The following CFAP99 variants were observed in gnomAD, a reference collection of about 807,000 sequenced individuals.
CFAP99 encodes cilia and flagella associated protein 99, also known as cilia- and flagella-associated protein 99.
A neutral mutation model predicts 82.7 loss-of-function variants in CFAP99; 84 were observed. The observed-to-expected ratio is 1.02, with a 90% confidence interval of 0.85 to 1.22. CFAP99 has a LOEUF of 1.22. Among genes scored for constraint, CFAP99 ranks in the 50% most tolerant of loss-of-function variants. The pLI, the probability that CFAP99 is intolerant of heterozygous loss-of-function variation, is 0.00. For synonymous variants in CFAP99, 456 were observed against 429.5 expected (o/e 1.06, Z -0.76); for missense variants, 1,059 against 983.5 (o/e 1.08, Z -1.03).
intron 11 of CFAP99, 39 bp downstream of exon 11, chr4:2,452,385 GC>G (rs1029404821): frequency 6.6e-6 from 10 of 1,522,008 alleles, no homozygotes; most frequent in Non-Finnish European, 8.8e-6. Flanking sequence ...GGGGCAGCCA[GC>G]TGAACTGTGT....
chr4:2,431,830 C>T (rs1733808340), intron 2 of CFAP99, among the ~76,000 whole-genome samples: 1 of 152,114 alleles, frequency 6.6e-6, no homozygotes, highest in Non-Finnish European at 1.5e-5. Context: ...AATTCTCGTG[C>T]ATGAGCCTCC....
chr4:2,424,937 C>T (rs1043532899), intron 1 of CFAP99, among the ~76,000 whole-genome samples: 3 of 152,210 alleles, frequency 2.0e-5, no homozygotes, highest in Non-Finnish European at 2.9e-5. Context: ...ATTTCTCTCT[C>T]TTGTCTCTCT....
intron 2 of CFAP99, among the ~76,000 whole-genome samples, chr4:2,432,489 C>G (rs1733818618): frequency 6.6e-6 from 1 of 152,202 alleles, no homozygotes; most frequent in Non-Finnish European, 1.5e-5. Flanking sequence ...TAACTGACTT[C>G]AGGCTTTGCA....
chr4:2,443,149 A>AC lies in CFAP99; in HGVS notation c.376dup (p.Leu126ProfsTer10), dbSNP rs1306978575. 17 of 1,532,254 alleles carry AC rather than the reference A, an allele frequency of 1.1e-5. No individual in the cohort carries two copies. The highest frequency in any genetic ancestry group is 1.5e-5 in the Non-Finnish European group (17 of 1,146,078). 94.9% of individuals were successfully genotyped at this position (1,532,254 alleles called of 1,614,324 possible). On this transcript the variant is annotated frameshift_variant, in exon 5 of 15. Transcript: ENST00000635017. LOFTEE classifies it high-confidence loss of function. ...CCCCAGTTCCTCAGGTTCTTCTTCA[A>AC]CCCCCTGCACCTGTGCTCATGGATC... is the stretch of plus-strand genomic sequence containing the variant.
intron 11 of CFAP99, among the ~76,000 whole-genome samples, chr4:2,455,427 C>T (rs1164071037): frequency 2.0e-5 from 3 of 152,148 alleles, no homozygotes; most frequent in Non-Finnish European, 2.9e-5. Context: ...AATCTCAGCA[C>T]TTTGGGAGGC....
intron 10 of CFAP99, 31 bp from the exon 11 acceptor site, chr4:2,452,111 C>A: frequency 6.5e-7 from 1 of 1,533,750 alleles, no homozygotes; most frequent in Non-Finnish European, 8.7e-7. Context: ...GGGAGAAACC[C>A]CAAGCTGTGC....
chr4:2,423,162 T>A (rs1326083183), intron 1 of CFAP99, among the ~76,000 whole-genome samples: 1 of 152,180 alleles, frequency 6.6e-6, no homozygotes, highest in Non-Finnish European at 1.5e-5. Context: ...CAAAGAGCAA[T>A]GCCCCAGAAA....
intron 3 of CFAP99, among the ~76,000 whole-genome samples, chr4:2,437,724 C>T (rs749152473): frequency 6.6e-5 from 10 of 152,198 alleles, no homozygotes; most frequent in Non-Finnish European, 1.2e-4. Context: ...GGCGGAAACT[C>T]GGGCCCAGGT....
At chr4:2,436,967 T>G (rs1241052322) in exon 3 of CFAP99, 1 of 1,536,092 alleles carries the variant, frequency 6.5e-7, no homozygotes, top group South Asian at 1.2e-5. Context: ...GGATGCCTTC[T>G]ACGTGGAGGA....
At chr4:2,449,516 G>A (rs1333969092) in intron 6 of CFAP99, among the ~76,000 whole-genome samples, 154 bp from the exon 7 acceptor site, 4 of 139,090 alleles carry the variant, frequency 2.9e-5, no homozygotes, top group East Asian at 2.4e-4. Flanking sequence ...ACCAGCACCC[G>A]GTGGTGTTAG....
intron 1 of CFAP99, among the ~76,000 whole-genome samples, chr4:2,423,982 G>C (rs1733634255): frequency 1.3e-5 from 2 of 152,234 alleles, no homozygotes; most frequent in Non-Finnish European, 2.9e-5. Context: ...GTTCTGGGAG[G>C]CCTGGTCTCC....
intron 11 of CFAP99, among the ~76,000 whole-genome samples, chr4:2,454,059 C>T (rs1266807078): frequency 6.6e-6 from 1 of 151,808 alleles, no homozygotes; most frequent in East Asian, 1.9e-4. Flanking sequence ...AGTGCAGTGG[C>T]ATGATCATGG....
chr4:2,438,183 C>A lies in CFAP99; in HGVS notation c.351+19C>A. 6.9e-7 allele frequency: 1 copy of A among 1,452,590 alleles called. No individual in the cohort carries two copies. Among genetic ancestry groups the A allele is most frequent in the Non-Finnish European group, 9.3e-7 (1 of 1,071,260 alleles). The allele number at this position is 1,452,590 out of a possible 1,614,324, so 90.0% of individuals were successfully genotyped here. A position where few individuals can be genotyped will look rare whatever the true frequency, so the allele number is the denominator to read the frequency against. On this transcript the variant is annotated intron_variant, in intron 4 of 14. Transcript: ENST00000635017. ...GTGCAAGGTGAGCCACCCCTACCTG[C>A]CCACCAGGCCACGAGGCCCACGGGT... is the stretch of plus-strand genomic sequence containing the variant.
chr4:2,440,885 C>T (rs946397946), intron 4 of CFAP99, among the ~76,000 whole-genome samples: 1 of 152,018 alleles, frequency 6.6e-6, no homozygotes, highest in African/African-American at 2.4e-5. Context: ...TCAGCCACCG[C>T]GCCCGGCCAA....
intron 2 of CFAP99, among the ~76,000 whole-genome samples, chr4:2,435,474 T>G (rs1052593319): frequency 1.1e-4 from 16 of 152,186 alleles, no homozygotes; most frequent in African/African-American, 3.6e-4. Flanking sequence ...GTTAATAGCC[T>G]TAACATAGAG....
intron 4 of CFAP99, among the ~76,000 whole-genome samples, chr4:2,439,594 C>T (rs948693143): frequency 3.9e-5 from 6 of 152,214 alleles, no homozygotes; most frequent in Non-Finnish European, 8.8e-5. Flanking sequence ...CAGCACTGTA[C>T]ACATCAATGA....
intron 4 of CFAP99, among the ~76,000 whole-genome samples, chr4:2,441,555 C>T (rs562910956): frequency 6.6e-6 from 1 of 152,300 alleles, no homozygotes; most frequent in East Asian, 1.9e-4. Context: ...GGCCACACAG[C>T]ACCGTTGGGG....
chr4:2,462,470 G>T lies in CFAP99; in HGVS notation c.1689G>T (p.Ala563=), dbSNP rs1449400686. 8.9e-6 allele frequency: 13 copies of T among 1,468,766 alleles called. No homozygotes were observed. The highest frequency in any genetic ancestry group is 1.5e-5 in the African/African-American group (1 of 67,690). The allele number at this position is 1,468,766 out of a possible 1,614,324, so 91.0% of individuals were successfully genotyped here. A position where few individuals can be genotyped will look rare whatever the true frequency, so the allele number is the denominator to read the frequency against. The change falls in exon 15 of 15, where the codon GCG becomes GCT. Residue 563 remains alanine (A), a synonymous_variant. Coordinates refer to ENST00000635017, the Ensembl canonical transcript of CFAP99. This position sits in a 1 kb window ranked among gnomAD's most constrained non-coding sequence, Gnocchi z 4.1. ...GGGAGGAAAAGAAGGCCCTTGCGGC[G>T]GCCCCGGCGGCGCCCTCGCAGGACG...
At chr4:2,420,858 G>C (rs941484688) in intron 1 of CFAP99, among the ~76,000 whole-genome samples, 1 of 152,184 alleles carries the variant, frequency 6.6e-6, no homozygotes, top group African/African-American at 2.4e-5. Context: ...CCAGGAACCA[G>C]CTGCAAAAGA....
Sources: allele counts gnomAD v4.1 joint callset (sites outside exome capture counted in the v4.1 genomes callset), GRCh38; gene constraint gnomAD v4.1.1; non-coding constraint Gnocchi (gnomAD v3.1); transcripts MANE v1.5; gene names NCBI Gene and HGNC (gene_info 2026-07-23, HGNC 2026-07-21).